The following GPBP1L1 variants were observed in gnomAD, a reference collection of about 807,000 sequenced individuals.
The protein encoded by GPBP1L1 is vasculin-like protein 1.
A neutral mutation model predicts 52.5 loss-of-function variants in GPBP1L1; 23 were observed. The ratio of observed to expected loss-of-function variants is 0.44; its 90% CI spans 0.32 to 0.62. The LOEUF (loss-of-function observed/expected upper bound fraction) is 0.62. Among genes scored for constraint, GPBP1L1 ranks in the 20% least tolerant of loss-of-function variants. GPBP1L1 has a pLI of 0.06. For synonymous variants in GPBP1L1, 243 were observed against 203.1 expected (o/e 1.20, Z -1.67); for missense variants, 596 against 579.3 (o/e 1.03, Z -0.30).
At chr1:45,669,220 C>G (rs1170730893) in intron 2 of GPBP1L1, among the ~76,000 whole-genome samples, 1 of 152,206 alleles carries the variant, frequency 6.6e-6, no homozygotes, top group Admixed American at 6.5e-5. Context: ...GACTAGAGTA[C>G]ATTGGCACAA....
intron 6 of GPBP1L1, among the ~76,000 whole-genome samples, chr1:45,646,894 T>A (rs1330848864): frequency 6.6e-6 from 1 of 152,072 alleles, no homozygotes; most frequent in African/African-American, 2.4e-5. Context: ...ATTTTGGTTT[T>A]CTTTCTGGGG....
intron 4 of GPBP1L1, among the ~76,000 whole-genome samples, chr1:45,656,844 GT>G (rs56761133): frequency 0.29 from 42,373 of 147,362 alleles, 6,112 homozygotes; most frequent in South Asian, 0.37. Flanking sequence ...TTTTGTTGTT[GT>G]TTTTTTTTTA....
At chr1:45,644,380 A>G (rs1644713768) in intron 6 of GPBP1L1, among the ~76,000 whole-genome samples, 1 of 152,354 alleles carries the variant, frequency 6.6e-6, no homozygotes. Context: ...ATACAGTTTT[A>G]AAACTTGTAA....
Position 45,640,373 on chromosome 1 carries a change from T to G in GPBP1L1, c.581A>C (p.Lys194Thr). The change falls in exon 8 of 13, where the codon AAG becomes ACG. Residue 194 changes from lysine to threonine, a missense_variant. Lys to Thr is a moderately conservative substitution (Grantham distance 78). Transcript: ENST00000355105. Reference sequence around the variant, plus strand: ...GGAAACTTTTTTGATAACTAGCATCTTGGAGGGTTGCTTGGCACTAGGCGG... The same window carrying G: ...GGAAACTTTTTTGATAACTAGCATCGTGGAGGGTTGCTTGGCACTAGGCGG... ...ENPPSAKQPS[K>T]MLVIKKVSKE... The G allele has an allele frequency of 6.2e-7, 1 of 1,614,040 alleles. No homozygotes were observed. Among genetic ancestry groups the G allele is most frequent in the South Asian group, 1.1e-5 (1 of 91,070 alleles).
At chr1:45,630,730 ATT>A (rs10708598) in intron 10 of GPBP1L1, 124 bp from the exon 11 acceptor site, 1 of 1,035,304 alleles carries the variant, frequency 9.7e-7, no homozygotes, top group Non-Finnish European at 1.4e-6. Flanking sequence ...CAGCCCACAG[ATT>A]TTTTTCCCCA....
intron 2 of GPBP1L1, among the ~76,000 whole-genome samples, chr1:45,680,160 T>C (rs1024755354): frequency 6.6e-6 from 1 of 152,118 alleles, no homozygotes; most frequent in Non-Finnish European, 1.5e-5. Context: ...ACAGGCTATT[T>C]GTAACATTTT....
intron 6 of GPBP1L1, among the ~76,000 whole-genome samples, chr1:45,647,138 AT>A (rs1034932528): frequency 4.8e-4 from 52 of 108,470 alleles, no homozygotes; most frequent in East Asian, 2.7e-3. Flanking sequence ...TTCCCAGATG[AT>A]TTTTTTTTTT....
intron 2 of GPBP1L1, among the ~76,000 whole-genome samples, chr1:45,675,625 G>A (rs533897126): frequency 6.6e-6 from 1 of 152,138 alleles, no homozygotes; most frequent in African/African-American, 2.4e-5. Context: ...CATTACAGTT[G>A]ACCTCCCAGG....
chr1:45,659,679 C>T (rs1292896250), intron 3 of GPBP1L1, among the ~76,000 whole-genome samples: 4 of 152,170 alleles, frequency 2.6e-5, no homozygotes, highest in African/African-American at 9.7e-5. Flanking sequence ...CACGGTGGCT[C>T]ACACCTGTAA....
At chr1:45,676,475 G>A (rs1008262373) in intron 2 of GPBP1L1, among the ~76,000 whole-genome samples, 51 of 151,964 alleles carry the variant, frequency 3.4e-4, no homozygotes, top group African/African-American at 8.5e-4. Flanking sequence ...TTGGGAGGCC[G>A]AGGTGGGAGG....
intron 2 of GPBP1L1, among the ~76,000 whole-genome samples, chr1:45,663,230 C>T (rs985362591): frequency 9.2e-5 from 14 of 152,072 alleles, no homozygotes; most frequent in Non-Finnish European, 1.9e-4. Context: ...CTTACGAATT[C>T]TAGTTTAAAC....
chr1:45,633,161 A>T (rs1275120587), intron 10 of GPBP1L1, among the ~76,000 whole-genome samples: 1 of 152,176 alleles, frequency 6.6e-6, no homozygotes, highest in East Asian at 1.9e-4. Context: ...GCTCCTTGGT[A>T]TTTACCCAAA....
intron 2 of GPBP1L1, among the ~76,000 whole-genome samples, chr1:45,679,113 G>A (rs1391387339): frequency 6.6e-6 from 1 of 152,150 alleles, no homozygotes; most frequent in African/African-American, 2.4e-5. Flanking sequence ...TGATGTCCAG[G>A]CCTTACCCCA....
At chr1:45,637,414 T>C (rs1272433387) in intron 8 of GPBP1L1, among the ~76,000 whole-genome samples, 1 of 152,136 alleles carries the variant, frequency 6.6e-6, no homozygotes, top group East Asian at 1.9e-4. Flanking sequence ...TGTCTTCTGT[T>C]TTCTTTTGCT....
intron 6 of GPBP1L1, chr1:45,651,050 C>T: frequency 2.0e-6 from 1 of 490,082 alleles, no homozygotes; most frequent in Non-Finnish European, 4.1e-6. Context: ...GTGGCAAGTT[C>T]TTTAGCCTTT....
Position 45,654,546 on chromosome 1 carries a change from G to C in GPBP1L1, c.474C>G (p.Asp158Glu), listed in dbSNP as rs778112785. 7 of 1,608,038 alleles carry C rather than the reference G, an allele frequency of 4.4e-6. No individual in the cohort carries two copies. The highest frequency in any genetic ancestry group is 1.1e-5 in the South Asian group (1 of 90,714). Residue 158 changes from aspartate to glutamate, a missense_variant, in exon 6 of 13, where the codon GAC (aspartate) becomes GAG (glutamate). Asp to Glu is a conservative substitution (Grantham distance 45). Coordinates refer to ENST00000355105, the MANE Select transcript of GPBP1L1 (RefSeq NM_021639.5). ...ACATCTAAAGATTCATACTTACAAA[G>C]TCCTCCTCTTCAAACTGCAACTTTT... is the stretch of plus-strand genomic sequence containing the variant. ...KVEKLQFEEEDFPSLNPEAGK... is the reference protein window; with the variant it reads ...KVEKLQFEEEEFPSLNPEAGK...
At chr1:45,671,832 A>G (rs1645076772) in intron 2 of GPBP1L1, among the ~76,000 whole-genome samples, 1 of 144,770 alleles carries the variant, frequency 6.9e-6, no homozygotes, top group East Asian at 2.0e-4. Flanking sequence ...CTCTAATAAT[A>G]ATAAATAAAT....
intron 2 of GPBP1L1, among the ~76,000 whole-genome samples, chr1:45,673,870 CAAAAAA>C (rs578020524): frequency 6.6e-6 from 1 of 151,732 alleles, no homozygotes; most frequent in African/African-American, 2.4e-5. Flanking sequence ...AACAAACAAA[CAAAAAA>C]AATTGTTTTC....
chr1:45,677,648 C>T (rs1013497974), intron 2 of GPBP1L1, among the ~76,000 whole-genome samples: 2 of 152,136 alleles, frequency 1.3e-5, no homozygotes, highest in African/African-American at 2.4e-5. Context: ...ATTTCTATCA[C>T]AAATTCAACG....
Sources: allele counts gnomAD v4.1 joint callset (sites outside exome capture counted in the v4.1 genomes callset), GRCh38; gene constraint gnomAD v4.1.1; transcripts MANE v1.5; gene names NCBI Gene and HGNC (gene_info 2026-07-23, HGNC 2026-07-21).